Variants in MARK3 observed in about 807,000 individuals in gnomAD.
The protein encoded by MARK3 is MAP/microtubule affinity-regulating kinase 3.
A neutral mutation model predicts 90.1 loss-of-function variants in MARK3; 46 were observed. That is an observed-to-expected ratio of 0.51 (90% CI 0.40 to 0.65). MARK3 has a LOEUF of 0.65. Ranked by LOEUF, MARK3 falls within the 30% of genes least tolerant of loss-of-function variation. The pLI is 0.00. For missense variants in MARK3, 818 were observed against 947.2 expected, an observed-to-expected ratio of 0.86 and a Z score of 1.79; for synonymous variants, 321 against 332.6, an observed-to-expected ratio of 0.97 and a Z score of 0.38.
At chr14:103,474,935 C>A in intron 12 of MARK3, 58 bp from the exon 13 acceptor site, 1 of 1,387,904 alleles carries the variant, frequency 7.2e-7, no homozygotes, top group Non-Finnish European at 1.0e-6. Flanking sequence ...TGGTTACTGT[C>A]ACAAAATAAA....
At chr14:103,395,371 G>T (rs1032597070) in intron 1 of MARK3, among the ~76,000 whole-genome samples, 1 of 144,082 alleles carries the variant, frequency 6.9e-6, no homozygotes, top group African/African-American at 2.6e-5. Flanking sequence ...CATCATTCAA[G>T]TTGTGTCTTG....
intron 12 of MARK3, among the ~76,000 whole-genome samples, chr14:103,468,789 CTTTTTTT>C: frequency 7.2e-6 from 1 of 138,668 alleles, no homozygotes; most frequent in Admixed American, 7.3e-5. Flanking sequence ...TGTAGTTTTC[CTTTTTTT>C]TTTTTTTTTT....
chr14:103,397,711 A>T (rs187903206), intron 1 of MARK3, among the ~76,000 whole-genome samples: 6 of 152,338 alleles, frequency 3.9e-5, no homozygotes, highest in Admixed American at 3.9e-4. Flanking sequence ...TCACCGTATT[A>T]CATTAGTTCA....
At chr14:103,434,169 C>T (rs2092659679) in intron 3 of MARK3, among the ~76,000 whole-genome samples, 1 of 152,180 alleles carries the variant, frequency 6.6e-6, no homozygotes, top group Non-Finnish European at 1.5e-5. Flanking sequence ...ATGAGGATCA[C>T]ACCAAGCATT....
At chr14:103,468,323 T>TTA in intron 12 of MARK3, 137 bp downstream of exon 12, 2 of 586,090 alleles carry the variant, frequency 3.4e-6, no homozygotes, top group Non-Finnish European at 2.5e-6. Context: ...TCTTTTTTTT[T>TTA]TTTTTTTTTT....
chr14:103,498,385 A>C, intron 15 of MARK3, 117 bp from the exon 16 acceptor site: 3 of 673,900 alleles, frequency 4.5e-6, no homozygotes, highest in Non-Finnish European at 6.7e-6. Context: ...TTCATTGGCC[A>C]GAGAAGGAAC....
At chr14:103,430,063 A>G (rs1370308863) in intron 3 of MARK3, among the ~76,000 whole-genome samples, 1 of 151,958 alleles carries the variant, frequency 6.6e-6, no homozygotes, top group Non-Finnish European at 1.5e-5. Flanking sequence ...AGTTTAGTGC[A>G]TGGTAGTTTG....
rs10529756 is a variant in MARK3 at position 103,423,200 on chromosome 14, C to CTTTTTTTTTTTTTTTTTTTTTTTTTTTT, written c.244-5173_244-5172insTTTTTTTTTTTTTTTTTTTTTTTTTTTT. 7.4e-5 allele frequency among the ~76,000 whole-genome samples: 7 copies of CTTTTTTTTTTTTTTTTTTTTTTTTTTTT among 94,720 alleles called. 1 individual carries two copies. The highest frequency in any genetic ancestry group is 9.5e-5 in the Non-Finnish European group (5 of 52,416). 62.1% of individuals were successfully genotyped at this position (94,720 alleles called of 152,430 possible). A position where few individuals can be genotyped will look rare whatever the true frequency, so the allele number is the denominator to read the frequency against. On this transcript the variant is annotated intron_variant, in intron 2 of 17. Transcript: ENST00000429436. The stretch of plus-strand genomic sequence containing the variant: ...TCTATCCCCCTAGAGGACTTGCAGT[C>CTTTTTTTTTTTTTTTTTTTTTTTTTTTT]TTTTTTTTTTTTTTGCCTCCTCTTT...
chr14:103,450,921 CTT>C (rs869030067), intron 4 of MARK3, among the ~76,000 whole-genome samples: 34 of 52,636 alleles, frequency 6.5e-4, no homozygotes, highest in South Asian at 9.8e-4. Context: ...TGTGTGTATT[CTT>C]TTTTTTTTTT....
intron 14 of MARK3, 85 bp downstream of exon 14, chr14:103,480,575 C>A: frequency 2.6e-6 from 2 of 769,080 alleles, no homozygotes; most frequent in South Asian, 1.7e-5. Flanking sequence ...TTCTTATAAT[C>A]ATTTTCAAAT....
chr14:103,492,201 T>G (rs778306534), intron 15 of MARK3, among the ~76,000 whole-genome samples, 167 bp downstream of exon 15: 2 of 152,210 alleles, frequency 1.3e-5, no homozygotes, highest in African/African-American at 2.4e-5. Flanking sequence ...ACCTTTAAAG[T>G]AGAAATTGTA....
At chr14:103,386,108 G>A in intron 1 of MARK3, 28 bp downstream of exon 1, 1 of 1,610,898 alleles carries the variant, frequency 6.2e-7, no homozygotes, top group South Asian at 1.1e-5. Context: ...TGTAGTTGGC[G>A]GACCTTCGGG....
At chr14:103,454,033 A>G (rs1286502529) in intron 5 of MARK3, among the ~76,000 whole-genome samples, 1 of 152,206 alleles carries the variant, frequency 6.6e-6, no homozygotes, top group African/African-American at 2.4e-5. Flanking sequence ...TCTAAGAGTC[A>G]TCCAGGTTTA....
rs2094022315 is a variant in MARK3 at position 103,491,886 on chromosome 14, C to A, written c.1696C>A (p.His566Asn). The A allele has an allele frequency of 1.9e-6, 3 of 1,614,202 alleles. No individual in the cohort carries two copies. The highest frequency in any genetic ancestry group is 1.6e-4 in the Middle Eastern group (1 of 6,062). Residue 566 changes from histidine (H) to asparagine (N), a missense_variant, in exon 15 of 18, where the codon CAC becomes AAC. His to Asn is a moderately conservative substitution (Grantham distance 68). This residue lies in a region of MARK3 where 560 missense variants were observed against 613.5 expected (regional missense o/e 0.91). Coordinates refer to ENST00000429436, the MANE Select transcript of MARK3 (RefSeq NM_001128918.3). Reference sequence around the variant, plus strand: ...AGGCACTGCCAGTCGTAGCACTTTCCACGGCCAGCCCCGGGAACGGCGAAC... The same window carrying A: ...AGGCACTGCCAGTCGTAGCACTTTCAACGGCCAGCCCCGGGAACGGCGAAC... ...PRGTASRSTFHGQPRERRTAT... is the reference protein window; with the variant it reads ...PRGTASRSTFNGQPRERRTAT...
In MARK3 at chr14:103,465,895, G is replaced by C. The variant is rs2093492921; in HGVS notation, c.778-77G>C. ...ATTATATCAGTGCGGGGGGTTTCAGGGGGTTTTTTGTTGTGTTTTGTTAAC... is the reference window on the plus strand; with the variant it reads ...ATTATATCAGTGCGGGGGGTTTCAGCGGGTTTTTTGTTGTGTTTTGTTAAC... On this transcript the variant is annotated intron_variant, in intron 8 of 17. Coordinates refer to ENST00000429436, the MANE Select transcript of MARK3 (RefSeq NM_001128918.3). 7 of 1,563,808 alleles carry C rather than the reference G, an allele frequency of 4.5e-6. No homozygotes were observed. In the Admixed American group the frequency reaches 7.6e-5, roughly 17 times the overall value.
chr14:103,451,275 GAT>G (rs2093141275), intron 4 of MARK3, among the ~76,000 whole-genome samples: 1 of 152,070 alleles, frequency 6.6e-6, no homozygotes, highest in Non-Finnish European at 1.5e-5. Context: ...AATTAGCAGT[GAT>G]AGAAATATTT....
At chr14:103,447,889 C>T (rs540243212) in intron 3 of MARK3, among the ~76,000 whole-genome samples, 1 of 152,206 alleles carries the variant, frequency 6.6e-6, no homozygotes, top group Admixed American at 6.5e-5. Flanking sequence ...TTCTCTTGCT[C>T]AGCCTCCCGA....
chr14:103,427,711 C>T (rs983599504), intron 2 of MARK3, among the ~76,000 whole-genome samples: 1 of 152,094 alleles, frequency 6.6e-6, no homozygotes, highest in Non-Finnish European at 1.5e-5. Flanking sequence ...CCCAAGGTTG[C>T]CGTGGCATTT....
At chr14:103,476,920 C>A (rs1162402287) in intron 13 of MARK3, among the ~76,000 whole-genome samples, 1 of 152,188 alleles carries the variant, frequency 6.6e-6, no homozygotes, top group Non-Finnish European at 1.5e-5. Context: ...AAAATTCCGT[C>A]TCCAACGTTT....
Sources: allele counts gnomAD v4.1 joint callset (sites outside exome capture counted in the v4.1 genomes callset), GRCh38; gene constraint gnomAD v4.1.1; regional missense constraint gnomAD v4.1.1; transcripts MANE v1.5; gene names NCBI Gene and HGNC (gene_info 2026-07-23, HGNC 2026-07-21).